Variants in SCN3A observed in about 807,000 individuals in gnomAD.
SCN3A encodes sodium voltage-gated channel alpha subunit 3, also known as sodium channel protein type 3 subunit alpha.
Under a neutral mutation model 187.6 loss-of-function variants are expected in SCN3A, and 60 were observed. That is an observed-to-expected ratio of 0.32 (90% CI 0.26 to 0.40). The LOEUF is 0.40. SCN3A is among the 10% of genes least tolerant of loss of function. SCN3A has a pLI of 1.00. For synonymous variants in SCN3A, 788 were observed against 829.2 expected (o/e 0.95, Z 0.85); for missense variants, 1,601 against 2,428.2 (o/e 0.66, Z 7.16).
chr2:165,126,470 C>A (rs1385279317), intron 18 of SCN3A, among the ~76,000 whole-genome samples: 1 of 145,862 alleles, frequency 6.9e-6, no homozygotes, highest in Admixed American at 6.9e-5. Context: ...CTTTCTCTTT[C>A]TTTATTTCTT....
chr2:165,128,449 G>GAA (rs1553522432), intron 17 of SCN3A, among the ~76,000 whole-genome samples: 1,950 of 151,844 alleles, frequency 0.013, 84 homozygotes, highest in African/African-American at 0.045. Context: ...GAGAGAGAGA[G>GAA]AAAGATACTT....
intron 2 of SCN3A, among the ~76,000 whole-genome samples, chr2:165,180,682 G>C (rs1690790364): frequency 6.6e-6 from 1 of 152,078 alleles, no homozygotes; most frequent in Non-Finnish European, 1.5e-5. Flanking sequence ...TGCACAGAAG[G>C]GAGTGGTATG....
At chr2:165,163,510 A>T in intron 7 of SCN3A, 108 bp downstream of exon 7, 1 of 1,271,572 alleles carries the variant, frequency 7.9e-7, no homozygotes, top group Non-Finnish European at 1.1e-6. Flanking sequence ...GGCATTATTT[A>T]ACGGGATGAA....
intron 12 of SCN3A, 45 bp downstream of exon 12, chr2:165,146,694 A>G: frequency 6.2e-7 from 1 of 1,608,466 alleles, no homozygotes; most frequent in Non-Finnish European, 8.5e-7. Flanking sequence ...ACTAAAAAGC[A>G]ATAGCAATGA....
At position 165,128,063 on chromosome 2, in the gene SCN3A, A is replaced by T. The variant is rs1687100065; in HGVS notation, c.2961T>A (p.Phe987Leu). Residue 987 changes from phenylalanine (F) to leucine (L), a missense_variant, in exon 18 of 28, where the codon TTT (phenylalanine) becomes TTA (leucine). By Grantham distance (22) the Phe-to-Leu change is conservative. Around this residue, in one of 11 missense-constraint regions of SCN3A, gnomAD observed 91 missense variants for 207.0 expected, o/e 0.44. Coordinates refer to ENST00000283254, the MANE Select transcript of SCN3A (RefSeq NM_006922.4). ...CAGTAGCAGCAAGGTTGTCTGAGCTAAATGAACTCAACAATAAGGCCAGAA... is the reference window on the plus strand; with the variant it reads ...CAGTAGCAGCAAGGTTGTCTGAGCTTAATGAACTCAACAATAAGGCCAGAA... ...NLFLALLLSS[F>L]SSDNLAATDD... is the part of the protein sequence containing the mutation. 6.2e-7 allele frequency: 1 copy of T among 1,612,998 alleles called. No individual in the cohort carries two copies. The highest frequency in any genetic ancestry group is 1.1e-5 in the South Asian group (1 of 90,896).
intron 18 of SCN3A, among the ~76,000 whole-genome samples, chr2:165,121,880 AAATTAAT>A (rs1175708404): frequency 3.3e-5 from 5 of 152,212 alleles, no homozygotes; most frequent in Non-Finnish European, 7.3e-5. Flanking sequence ...CACAAAACTA[AAATTAAT>A]AATTAATAAC....
chr2:165,134,573 A>T (rs1687553708), intron 15 of SCN3A, among the ~76,000 whole-genome samples: 1 of 152,156 alleles, frequency 6.6e-6, no homozygotes, highest in Non-Finnish European at 1.5e-5. Flanking sequence ...ACTCAAATAG[A>T]AATAAAATGT....
chr2:165,179,115 C>T (rs1370746121), intron 2 of SCN3A, among the ~76,000 whole-genome samples: 10 of 151,438 alleles, frequency 6.6e-5, no homozygotes, highest in African/African-American at 1.7e-4. Context: ...CTATGAAACA[C>T]GGTCGCTTTC....
chr2:165,113,206 C>A, intron 20 of SCN3A, 148 bp from the exon 21 acceptor site: 1 of 667,928 alleles, frequency 1.5e-6, no homozygotes, highest in Non-Finnish European at 2.5e-6. Flanking sequence ...AATCTAAAGA[C>A]TAAACTAAGT....
In SCN3A at chr2:165,087,610, T is replaced by A. The variant is rs537645755; in HGVS notation, c.*2540A>T. ...TGTCTTTAAAAATATGCATTACAACTGGAGTTTTCCACTGAGAATAAGAGT... is the reference window on the plus strand; with the variant it reads ...TGTCTTTAAAAATATGCATTACAACAGGAGTTTTCCACTGAGAATAAGAGT... On this transcript the variant is annotated 3_prime_UTR_variant, in exon 28 of 28. Transcript: ENST00000283254. 4 of 152,226 alleles carry A rather than the reference T, an allele frequency of 2.6e-5. No homozygotes were observed. Among genetic ancestry groups the A allele is most frequent in the Admixed American group, 2.6e-4 (4 of 15,292 alleles). 9.4% of individuals were successfully genotyped at this position (152,226 alleles called of 1,614,324 possible).
intron 21 of SCN3A, among the ~76,000 whole-genome samples, chr2:165,107,337 A>C (rs183447197): frequency 2.4e-4 from 36 of 152,314 alleles, no homozygotes; most frequent in Middle Eastern, 3.4e-3. Context: ...ATGCTAAAGG[A>C]GAATTAAATT....
At chr2:165,146,663 G>T in intron 12 of SCN3A, 76 bp downstream of exon 12, 1 of 1,526,456 alleles carries the variant, frequency 6.6e-7, no homozygotes, top group Non-Finnish European at 9.1e-7. Flanking sequence ...GTACAAAAGT[G>T]TACCAAAACA....
intron 4 of SCN3A, among the ~76,000 whole-genome samples, chr2:165,170,138 T>G (rs780998516): frequency 6.6e-6 from 1 of 151,978 alleles, no homozygotes; most frequent in African/African-American, 2.4e-5. Flanking sequence ...TGGTTATATA[T>G]GACCTCATTG....
At chr2:165,161,153 T>TTG (rs1689362453) in intron 9 of SCN3A, among the ~76,000 whole-genome samples, 1 of 147,216 alleles carries the variant, frequency 6.8e-6, no homozygotes, top group African/African-American at 2.5e-5. Flanking sequence ...TTTTTTTTTT[T>TTG]TTTTTTTTTG....
intron 18 of SCN3A, among the ~76,000 whole-genome samples, 176 bp from the exon 19 acceptor site, chr2:165,115,751 A>G (rs1686340917): frequency 6.6e-6 from 1 of 152,184 alleles, no homozygotes; most frequent in African/African-American, 2.4e-5. Context: ...ATTCAAAATA[A>G]CGTGACTACT....
At chr2:165,095,043 G>A (rs1685299303) in intron 25 of SCN3A, among the ~76,000 whole-genome samples, 1 of 152,022 alleles carries the variant, frequency 6.6e-6, no homozygotes, top group Non-Finnish European at 1.5e-5. Context: ...GATGATTATG[G>A]GTTTTCTAGG....
chr2:165,203,619 A>G (rs1692453600), intron 1 of SCN3A, among the ~76,000 whole-genome samples: 1 of 152,156 alleles, frequency 6.6e-6, no homozygotes, highest in African/African-American at 2.4e-5. Context: ...ACCATAAATC[A>G]CCATTTCCAG....
Position 165,159,197 on chromosome 2 carries a change from T to A in SCN3A, c.1031+3111A>T, listed in dbSNP as rs1412214535. On this transcript the variant is annotated intron_variant, in intron 9 of 27. Coordinates refer to ENST00000283254, the MANE Select transcript of SCN3A (RefSeq NM_006922.4). ...TTTGCAATTCCCTAATGACAAATGA[T>A]GTCGAGTGCCTTTTTACCTCCTTAA... is the stretch of plus-strand genomic sequence containing the variant. Among the ~76,000 whole-genome samples the A allele has an allele frequency of 3.6e-5, 5 of 138,236 alleles. 1 individual carries two copies. Among genetic ancestry groups the A allele is most frequent in the African/African-American group, 1.5e-4 (5 of 34,100 alleles). 90.7% of individuals were successfully genotyped at this position (138,236 alleles called of 152,430 possible).
chr2:165,095,173 A>G (rs1240943153), intron 25 of SCN3A, among the ~76,000 whole-genome samples: 1 of 152,220 alleles, frequency 6.6e-6, no homozygotes, highest in African/African-American at 2.4e-5. Flanking sequence ...AGGGAAATAC[A>G]CATGTATAGA....
Sources: allele counts gnomAD v4.1 joint callset (sites outside exome capture counted in the v4.1 genomes callset), GRCh38; gene constraint gnomAD v4.1.1; regional missense constraint gnomAD v4.1.1; transcripts MANE v1.5; gene names NCBI Gene and HGNC (gene_info 2026-07-23, HGNC 2026-07-21).